The following PLAC8L1 variants were observed in gnomAD, a reference collection of about 807,000 sequenced individuals.
PLAC8L1 encodes the protein PLAC8-like protein 1.
PLAC8L1 carries 13 observed loss-of-function variants against 16.3 expected under a neutral mutation model. That is an observed-to-expected ratio of 0.80 (90% confidence interval 0.52 to 1.27). The LOEUF is 1.27. Ranked by LOEUF, PLAC8L1 falls within the 50% of genes most tolerant of loss-of-function variation. The pLI is 0.00. For synonymous variants in PLAC8L1, 78 were observed against 79.3 expected (o/e 0.98, Z 0.09); for missense variants, 184 against 220.2 (o/e 0.84, Z 1.04).
intron 2 of PLAC8L1, among the ~76,000 whole-genome samples, chr5:146,086,091 G>A (rs1248146144): frequency 1.4e-5 from 2 of 141,586 alleles, no homozygotes; most frequent in Admixed American, 1.5e-4. Context: ...GTGCAGTGGC[G>A]GGATCTCGGC....
chr5:146,085,741 C>G, intron 2 of PLAC8L1, 144 bp from the exon 3 acceptor site: 1 of 946,444 alleles, frequency 1.1e-6, no homozygotes. Flanking sequence ...TAACCAATTC[C>G]CAAAACTCAT....
Position 146,104,409 on chromosome 5 carries a change from G to A in PLAC8L1, c.-98C>T. On this transcript the variant is annotated 5_prime_UTR_variant, in exon 1 of 4. Transcript: ENST00000311450. ...ATTAGTCCAAAGTGAAACATCTCTT[G>A]AAAGAATGTTCCCTTAATATTCTGG... 1.1e-6 allele frequency: 1 copy of A among 932,714 alleles called. No homozygotes were observed. The highest frequency in any genetic ancestry group is 1.6e-5 in the African/African-American group (1 of 61,312). 57.8% of individuals were successfully genotyped at this position (932,714 alleles called of 1,614,324 possible).
intron 1 of PLAC8L1, among the ~76,000 whole-genome samples, chr5:146,101,110 T>C (rs922254485): frequency 1.3e-5 from 2 of 150,764 alleles, no homozygotes; most frequent in African/African-American, 2.4e-5. Context: ...CGTAGAAGGA[T>C]TGCTTGAGCC....
intron 1 of PLAC8L1, 181 bp downstream of exon 1, chr5:146,104,012 G>A: frequency 1.0e-6 from 1 of 985,398 alleles, no homozygotes; most frequent in Non-Finnish European, 1.2e-6. Flanking sequence ...CTTGTCACCA[G>A]CCAAGAAAGG....
chr5:146,084,599 T>C (rs757696795), intron 3 of PLAC8L1, 27 bp from the exon 4 acceptor site: 62 of 1,611,728 alleles, frequency 3.8e-5, no homozygotes, highest in Admixed American at 8.3e-5. Context: ...ATCTGTTCTG[T>C]TGTAGTCACA....
At chr5:146,095,369 G>A (rs1408677421) in intron 2 of PLAC8L1, among the ~76,000 whole-genome samples, 1 of 152,196 alleles carries the variant, frequency 6.6e-6, no homozygotes, top group Non-Finnish European at 1.5e-5. Context: ...CTCAGGAAGT[G>A]TGGTTGGTGT....
Position 146,101,592 on chromosome 5 carries a change from T to C in PLAC8L1, c.119+2601A>G, listed in dbSNP as rs145796271. Among the ~76,000 whole-genome samples, 465 of 152,320 alleles carry C rather than the reference T, an allele frequency of 3.1e-3. 3 individuals carry two copies. Among genetic ancestry groups the C allele is most frequent in the Non-Finnish European group, 5.5e-3 (376 of 68,032 alleles). ...ACTACCCTGAAACCTCATGGGTGCA[T>C]GATAAGTATTTCTTGGGCTGGACCA... On this transcript the variant is annotated intron_variant, in intron 1 of 3. Transcript: ENST00000311450.
intron 1 of PLAC8L1, among the ~76,000 whole-genome samples, chr5:146,100,475 A>C (rs565087799): frequency 6.7e-6 from 1 of 148,198 alleles, no homozygotes; most frequent in South Asian, 2.1e-4. Context: ...ATTAATGCTC[A>C]ATTAAACACA....
In PLAC8L1 at chr5:146,104,189, C is replaced by A. The variant is rs1383901159; in HGVS notation, c.119+4G>T. ...CTAGGGGAAAAACTCACCCTATTCC[C>A]TACCTCAAGTTGGAAATAAAATGTT... On this transcript the variant is annotated splice_donor_region_variant and intron_variant, in intron 1 of 3. Transcript: ENST00000311450. 1 of 1,613,150 alleles carries A rather than the reference C, an allele frequency of 6.2e-7. No homozygotes were observed. Among genetic ancestry groups the A allele is most frequent in the Non-Finnish European group, 8.5e-7 (1 of 1,179,494 alleles).
At chr5:146,100,741 G>C (rs1415029425) in intron 1 of PLAC8L1, among the ~76,000 whole-genome samples, 1 of 152,096 alleles carries the variant, frequency 6.6e-6, no homozygotes, top group East Asian at 1.9e-4. Context: ...TAATATGTTT[G>C]TTATGATGTA....
rs748100552 is a variant in PLAC8L1, at chr5:146,098,306, G to A, written c.120-14C>T. 1.2e-6 allele frequency: 2 copies of A among 1,610,642 alleles called. No individual in the cohort carries two copies. The highest frequency in any genetic ancestry group is 1.7e-5 in the Admixed American group (1 of 59,550). The stretch of plus-strand genomic sequence containing the variant: ...GGTACATGGCCTCTGGAGAGTCAAG[G>A]ATGATGATTAACTTGGAAACAAAGG... On this transcript the variant is annotated splice_polypyrimidine_tract_variant and intron_variant, in intron 1 of 3. Coordinates refer to ENST00000311450, the MANE Select transcript of PLAC8L1 (RefSeq NM_001029869.3).
chr5:146,087,668 AG>A (rs1159737668), intron 2 of PLAC8L1, among the ~76,000 whole-genome samples: 1 of 152,200 alleles, frequency 6.6e-6, no homozygotes, highest in Admixed American at 6.5e-5. Flanking sequence ...TTGAGACTAC[AG>A]GCATGCACCA....
intron 3 of PLAC8L1, 113 bp downstream of exon 3, chr5:146,085,348 G>A (rs1018137175): frequency 1.4e-5 from 16 of 1,174,402 alleles, no homozygotes; most frequent in Non-Finnish European, 1.7e-5. Flanking sequence ...CACTAAGCAT[G>A]GTATGTTTCA....
intron 1 of PLAC8L1, among the ~76,000 whole-genome samples, chr5:146,101,324 A>G (rs975547678): frequency 7.2e-5 from 11 of 152,130 alleles, no homozygotes; most frequent in East Asian, 1.9e-4. Flanking sequence ...CCAGAGCCCA[A>G]TTGGGCTGGC....
chr5:146,101,195 TC>T (rs1561786161), intron 1 of PLAC8L1, among the ~76,000 whole-genome samples: 1 of 69,166 alleles, frequency 1.4e-5, no homozygotes, highest in South Asian at 4.2e-4. Context: ...AGACCCTGTC[TC>T]AAAAAAAAAA....
chr5:146,102,709 GA>G (rs1763840927), intron 1 of PLAC8L1, among the ~76,000 whole-genome samples: 1 of 152,170 alleles, frequency 6.6e-6, no homozygotes, highest in Non-Finnish European at 1.5e-5. Flanking sequence ...TCATTTAGTA[GA>G]AAAAGCAAAC....
At chr5:146,098,949 C>T (rs1222287614) in intron 1 of PLAC8L1, among the ~76,000 whole-genome samples, 2 of 152,156 alleles carry the variant, frequency 1.3e-5, no homozygotes, top group Non-Finnish European at 2.9e-5. Flanking sequence ...AGTGGTGCCA[C>T]AAAGTATACT....
At position 146,105,363 on chromosome 5, in the gene PLAC8L1, A is replaced by T. The variant is rs1330035465; in HGVS notation, c.-1052T>A. ...CATAGCTTCATAACTGCCTTCAATC[A>T]TGGGGTTCTGGGCAACTGTCATTGT... is the stretch of plus-strand genomic sequence containing the variant. On this transcript the variant is annotated 5_prime_UTR_variant, in exon 1 of 4. It removes an upstream start codon present in the reference 5' UTR. Transcript: ENST00000311450. Among the ~76,000 whole-genome samples the T allele has an allele frequency of 6.6e-6, 1 of 152,088 alleles. No individual in the cohort carries two copies. The highest frequency in any genetic ancestry group is 6.6e-5 in the Admixed American group (1 of 15,262).
At chr5:146,104,146 C>T (rs767848391) in intron 1 of PLAC8L1, 47 bp downstream of exon 1, 1 of 1,601,136 alleles carries the variant, frequency 6.2e-7, no homozygotes, top group South Asian at 1.1e-5. Context: ...ATTCGATAGT[C>T]CAACTAAAGA....
Sources: allele counts gnomAD v4.1 joint callset (sites outside exome capture counted in the v4.1 genomes callset), GRCh38; gene constraint gnomAD v4.1.1; transcripts MANE v1.5; gene names NCBI Gene and HGNC (gene_info 2026-07-23, HGNC 2026-07-21).